Variants in FRRS1 observed in about 807,000 individuals in gnomAD.
FRRS1 encodes the protein ferric chelate reductase 1.
In FRRS1, 51 loss-of-function variants were observed where a neutral mutation model predicts 70.7. That is an observed-to-expected ratio of 0.72 (90% CI 0.58 to 0.91). The LOEUF is 0.91. Ranked by LOEUF, FRRS1 falls within the 40% of genes least tolerant of loss-of-function variation. FRRS1 has a pLI of 0.00. For synonymous variants in FRRS1, 225 were observed against 238.7 expected, an observed-to-expected ratio of 0.94 and a Z score of 0.53; for missense variants, 672 against 726.0, an observed-to-expected ratio of 0.93 and a Z score of 0.86.
intron 4 of FRRS1, among the ~76,000 whole-genome samples, chr1:99,746,645 T>C (rs1656285759): frequency 6.6e-6 from 1 of 152,162 alleles, no homozygotes; most frequent in African/African-American, 2.4e-5. Flanking sequence ...ATGAGGACTA[T>C]GGAGAAGAAG....
intron 7 of FRRS1, among the ~76,000 whole-genome samples, chr1:99,737,001 T>C (rs1176567611): frequency 2.0e-5 from 3 of 151,028 alleles, no homozygotes; most frequent in African/African-American, 7.4e-5. Flanking sequence ...AAAGAAGTGG[T>C]GTTAAGTTTA....
chr1:99,716,502 G>A (rs1482923694), intron 11 of FRRS1, among the ~76,000 whole-genome samples: 1 of 152,172 alleles, frequency 6.6e-6, no homozygotes, highest in African/African-American at 2.4e-5. Flanking sequence ...GTAGTCACCT[G>A]GCAGCAAACC....
intron 14 of FRRS1, among the ~76,000 whole-genome samples, chr1:99,711,180 T>C (rs1026756821): frequency 6.6e-6 from 1 of 152,186 alleles, no homozygotes; most frequent in Admixed American, 6.5e-5. Context: ...TTAGGGCATA[T>C]TGCGTAATAA....
intron 6 of FRRS1, 108 bp downstream of exon 6, chr1:99,740,685 A>G (rs1655911032): frequency 1.4e-6 from 1 of 739,650 alleles, no homozygotes; most frequent in Non-Finnish European, 2.4e-6. Flanking sequence ...AATTCCAAGC[A>G]CTTTGTGACT....
chr1:99,728,145 T>C (rs1244987597), intron 9 of FRRS1, among the ~76,000 whole-genome samples: 1 of 152,244 alleles, frequency 6.6e-6, no homozygotes. Flanking sequence ...TCAAAGTCAC[T>C]GCTTCTAGGT....
At chr1:99,746,283 A>C (rs370247022) in intron 4 of FRRS1, among the ~76,000 whole-genome samples, 14 of 152,308 alleles carry the variant, frequency 9.2e-5, no homozygotes, top group African/African-American at 3.4e-4. Flanking sequence ...GATGGAAACG[A>C]TTGTCAACGC....
Position 99,708,759 on chromosome 1 carries a change from T to C in FRRS1, c.*269A>G. The C allele has an allele frequency of 1.8e-6, 1 of 557,366 alleles. No homozygotes were observed. 34.5% of individuals were successfully genotyped at this position (557,366 alleles called of 1,614,324 possible). On this transcript the variant is annotated 3_prime_UTR_variant, in exon 17 of 17. Coordinates refer to ENST00000646001, the MANE Select transcript of FRRS1 (RefSeq NM_001361041.2). ...TACCAACATTCTTAAAATCTTGGCA[T>C]GAAATATTTGAGAGTTACTTCTCCT...
At chr1:99,730,709 T>G (rs907777609) in intron 7 of FRRS1, among the ~76,000 whole-genome samples, 4 of 151,868 alleles carry the variant, frequency 2.6e-5, no homozygotes, top group East Asian at 3.9e-4. Flanking sequence ...CTACTAAAAA[T>G]ACAAAAAATT....
intron 1 of FRRS1, among the ~76,000 whole-genome samples, chr1:99,762,975 C>A (rs1657181941): frequency 6.6e-6 from 1 of 152,186 alleles, no homozygotes; most frequent in African/African-American, 2.4e-5. Flanking sequence ...AAAACACTTT[C>A]AACTGGTCTC....
chr1:99,719,680 A>C (rs1319174616), intron 9 of FRRS1, 33 bp from the exon 10 acceptor site: 1 of 1,122,294 alleles, frequency 8.9e-7, no homozygotes, highest in East Asian at 2.3e-5. Flanking sequence ...AACATGACAA[A>C]GAATAATTAC....
Position 99,708,947 on chromosome 1 carries a change from A to G in FRRS1, c.*81T>C. On this transcript the variant is annotated 3_prime_UTR_variant, in exon 17 of 17. Transcript: ENST00000646001. ...AAGTGAGAATTCACAAATATGCTCC[A>G]GGCAGTCAGGACAGGCTTCAAGTTT... The G allele has an allele frequency of 6.2e-7, 1 of 1,614,070 alleles. No individual in the cohort carries two copies. The highest frequency in any genetic ancestry group is 1.7e-5 in the Admixed American group (1 of 60,020).
chr1:99,724,814 T>C (rs1434017060), intron 9 of FRRS1, among the ~76,000 whole-genome samples: 1 of 152,034 alleles, frequency 6.6e-6, no homozygotes, highest in African/African-American at 2.4e-5. Context: ...AATTAGCTTG[T>C]GCTGCAAATA....
At position 99,706,206 on chromosome 1, in the gene FRRS1, G is replaced by A. The variant is rs1445231215; in HGVS notation, c.*2822C>T. On this transcript the variant is annotated 3_prime_UTR_variant, in exon 17 of 17. Coordinates refer to ENST00000646001, the MANE Select transcript of FRRS1 (RefSeq NM_001361041.2). ...GTTCGAGATCAGCCTGGGCAACAAA[G>A]GGAGATCCCTTCTCTACCAAAAAAA... is the stretch of plus-strand genomic sequence containing the variant. Among the ~76,000 whole-genome samples the A allele has an allele frequency of 6.6e-6, 1 of 151,234 alleles. No homozygotes were observed. Among genetic ancestry groups the A allele is most frequent in the African/African-American group, 2.4e-5 (1 of 40,972 alleles).
intron 13 of FRRS1, 86 bp downstream of exon 13, chr1:99,712,331 CA>C: frequency 9.1e-7 from 1 of 1,093,006 alleles, no homozygotes; most frequent in Non-Finnish European, 1.3e-6. Flanking sequence ...TTATAAAATG[CA>C]AAATTTTTCC....
At position 99,734,458 on chromosome 1, in the gene FRRS1, T is replaced by C. The variant is rs534667275; in HGVS notation, c.759+3628A>G. Among the ~76,000 whole-genome samples the C allele has an allele frequency of 3.3e-5, 5 of 152,280 alleles. No individual in the cohort carries two copies. The South Asian group carries it at 8.3e-4, about 25-fold the overall frequency. ...CACCACAAAAATCAACTTAGGTAGA[T>C]AGAAATAGAAAGATAAAGTGGCAAA... On this transcript the variant is annotated intron_variant, in intron 7 of 16. Transcript: ENST00000646001.
At chr1:99,714,926 C>A (rs1654446502) in intron 12 of FRRS1, among the ~76,000 whole-genome samples, 1 of 152,172 alleles carries the variant, frequency 6.6e-6, no homozygotes, top group Non-Finnish European at 1.5e-5. Flanking sequence ...CGGGAGAAGT[C>A]TGGACTGGAG....
rs748261133 is a variant in FRRS1 at position 99,709,049 on chromosome 1, T to C, written c.1758A>G (p.Leu586=). The C allele has an allele frequency of 6.2e-7, 1 of 1,613,586 alleles. No homozygotes were observed. The highest frequency in any genetic ancestry group is 2.2e-5 in the East Asian group (1 of 44,838). ...TTGCTCATAGATGGTTGATTGCAGATAAAAATATGATGAGAAAAGTAACAT... is the reference window on the plus strand; with the variant it reads ...TTGCTCATAGATGGTTGATTGCAGACAAAAATATGATGAGAAAAGTAACAT... ...CGNVTFLIIF[L]SAINHL Residue 586 remains leucine, a synonymous_variant, in exon 17 of 17, where the codon TTA becomes TTG. Transcript: ENST00000646001.
At chr1:99,745,479 T>C (rs1656209634) in intron 4 of FRRS1, among the ~76,000 whole-genome samples, 1 of 151,696 alleles carries the variant, frequency 6.6e-6, no homozygotes, top group Non-Finnish European at 1.5e-5. Flanking sequence ...AGGTCAGGAG[T>C]TCGAGACCAG....
At chr1:99,713,018 T>TA (rs1283292703) in intron 12 of FRRS1, among the ~76,000 whole-genome samples, 1 of 152,284 alleles carries the variant, frequency 6.6e-6, no homozygotes, top group Admixed American at 6.5e-5. Context: ...TATGCATGGG[T>TA]AAAATTATAA....
Sources: allele counts gnomAD v4.1 joint callset (sites outside exome capture counted in the v4.1 genomes callset), GRCh38; gene constraint gnomAD v4.1.1; transcripts MANE v1.5; gene names NCBI Gene and HGNC (gene_info 2026-07-23, HGNC 2026-07-21).